Variants in SH3BGRL2 observed in about 807,000 individuals in gnomAD.
SH3BGRL2 encodes the protein SH3 domain-binding glutamic acid-rich-like protein 2.
In SH3BGRL2, 21 loss-of-function variants were observed where a neutral mutation model predicts 14.8. That is an observed-to-expected ratio of 1.42 (90% CI 1.01 to 2.05). The LOEUF (loss-of-function observed/expected upper bound fraction) is 2.05. Ranked by LOEUF, SH3BGRL2 falls within the 30% of genes most tolerant of loss-of-function variation. SH3BGRL2 has a pLI of 0.00. For missense variants in SH3BGRL2, 147 were observed against 130.8 expected, an observed-to-expected ratio of 1.12 and a Z score of -0.61; for synonymous variants, 50 against 47.8, an observed-to-expected ratio of 1.05 and a Z score of -0.19.
chr6:79,554,282 TTAAG>T, the SH3BGRL2 span, among the ~76,000 whole-genome samples: 1 of 152,130 alleles, frequency 6.6e-6, no homozygotes, highest in Non-Finnish European at 1.5e-5. Flanking sequence ...TTTAAAAAAA[TTAAG>T]TAGGAATTTC....
intron 2 of SH3BGRL2, among the ~76,000 whole-genome samples, chr6:79,682,387 A>C (rs749660610): frequency 7.2e-5 from 11 of 152,160 alleles, no homozygotes; most frequent in Non-Finnish European, 1.5e-4. Context: ...TCATGCTTCA[A>C]AACAGATCCC....
chr6:79,600,027 T>C, the SH3BGRL2 span, among the ~76,000 whole-genome samples: 1 of 152,194 alleles, frequency 6.6e-6, no homozygotes. Context: ...ATGGCCCTCC[T>C]GAGCAAATAA....
At chr6:79,616,242 G>T in the SH3BGRL2 span, among the ~76,000 whole-genome samples, 1 of 152,196 alleles carries the variant, frequency 6.6e-6, no homozygotes, top group Non-Finnish European at 1.5e-5. Context: ...CAGCAGAGTG[G>T]CACAGCATGC....
chr6:79,609,071 G>A, the SH3BGRL2 span, among the ~76,000 whole-genome samples: 1 of 152,184 alleles, frequency 6.6e-6, no homozygotes, highest in Non-Finnish European at 1.5e-5. Context: ...GGAGATTCAA[G>A]TTGATCATTT....
rs72907708 is a variant in SH3BGRL2, at chr6:79,702,779, G to A, written c.*3270G>A. On this transcript the variant is annotated 3_prime_UTR_variant, in exon 4 of 4. Transcript: ENST00000369838. ...GTTAAATCACTCAGCCCCTGGGTGG[G>A]GTGGGGTGGTTCAAATGGATGACTG... 0.021 allele frequency: 3,150 copies of A among 152,464 alleles called. 56 individuals are homozygous for A. Among genetic ancestry groups the A allele is most frequent in the Non-Finnish European group, 0.031 (2,126 of 68,150 alleles). 9.4% of individuals were successfully genotyped at this position (152,464 alleles called of 1,614,324 possible). A position where few individuals can be genotyped will look rare whatever the true frequency, so the allele number is the denominator to read the frequency against.
At chr6:79,593,767 G>A in the SH3BGRL2 span, among the ~76,000 whole-genome samples, 2 of 152,146 alleles carry the variant, frequency 1.3e-5, no homozygotes, top group Non-Finnish European at 2.9e-5. Flanking sequence ...AAGGTAACTG[G>A]CAGATATAAA....
At position 79,696,552 on chromosome 6, in the gene SH3BGRL2, G is replaced by T; in HGVS notation, c.299G>T (p.Arg100Leu). The change falls in exon 3 of 4, where the codon CGG becomes CTG. Residue 100 changes from arginine (R) to leucine (L), a missense_variant. By Grantham distance (102) the Arg-to-Leu change is moderately radical. Transcript: ENST00000369838. ...TVFSFLGLKP[R>L]LASKAEP ...TTTTCATTTTTAGGCCTGAAACCACGGTTGGCATCAAAGGTAGGTAAATCT... is the reference window on the plus strand; with the variant it reads ...TTTTCATTTTTAGGCCTGAAACCACTGTTGGCATCAAAGGTAGGTAAATCT... 1 of 1,564,330 alleles carries T rather than the reference G, an allele frequency of 6.4e-7. No homozygotes were observed. The highest frequency in any genetic ancestry group is 1.2e-5 in the South Asian group (1 of 81,366).
chr6:79,549,073 C>T, the SH3BGRL2 span, among the ~76,000 whole-genome samples: 1 of 152,104 alleles, frequency 6.6e-6, no homozygotes, highest in Non-Finnish European at 1.5e-5. Context: ...GTTTCTAATC[C>T]TCTGTTTCCC....
intron 1 of SH3BGRL2, among the ~76,000 whole-genome samples, chr6:79,642,432 G>A (rs1429735507): frequency 6.6e-6 from 1 of 151,986 alleles, no homozygotes; most frequent in Non-Finnish European, 1.5e-5. Flanking sequence ...TTAGAGCCCT[G>A]GCTTGATCTA....
At chr6:79,671,647 G>A (rs950186389) in intron 1 of SH3BGRL2, among the ~76,000 whole-genome samples, 3 of 152,164 alleles carry the variant, frequency 2.0e-5, no homozygotes, top group Admixed American at 2.0e-4. Context: ...TGGCTATTTG[G>A]ACTCTGGAAT....
the SH3BGRL2 span, among the ~76,000 whole-genome samples, chr6:79,585,044 C>T: frequency 7.4e-6 from 1 of 134,892 alleles, no homozygotes; most frequent in African/African-American, 2.7e-5. Flanking sequence ...CAAAACCCAC[C>T]TTTTTTTTTT....
chr6:79,690,783 G>A (rs1770197637), intron 2 of SH3BGRL2, among the ~76,000 whole-genome samples: 1 of 152,114 alleles, frequency 6.6e-6, no homozygotes, highest in South Asian at 2.1e-4. Flanking sequence ...TGGGCATGGT[G>A]GCTCACGCCT....
chr6:79,568,696 TA>T, the SH3BGRL2 span, among the ~76,000 whole-genome samples: 1 of 152,186 alleles, frequency 6.6e-6, no homozygotes, highest in Non-Finnish European at 1.5e-5. Flanking sequence ...AAAAATATGT[TA>T]AGAGTCTTCA....
chr6:79,602,043 C>T, the SH3BGRL2 span, among the ~76,000 whole-genome samples: 4 of 152,104 alleles, frequency 2.6e-5, no homozygotes, highest in Admixed American at 2.6e-4. Flanking sequence ...GAAACCATAC[C>T]AACACTTCGA....
intron 1 of SH3BGRL2, among the ~76,000 whole-genome samples, chr6:79,667,812 A>G (rs897792861): frequency 3.9e-5 from 6 of 152,118 alleles, no homozygotes; most frequent in Non-Finnish European, 8.8e-5. Flanking sequence ...AGAGATGCCA[A>G]GTAATATCTC....
the SH3BGRL2 span, among the ~76,000 whole-genome samples, chr6:79,594,625 C>A: frequency 1.3e-5 from 2 of 152,030 alleles, no homozygotes; most frequent in African/African-American, 4.8e-5. Context: ...TGGGAAAGGT[C>A]AAGACAGCTG....
chr6:79,648,227 G>A (rs1477097634), intron 1 of SH3BGRL2, among the ~76,000 whole-genome samples: 1 of 103,670 alleles, frequency 9.6e-6, no homozygotes, highest in Admixed American at 1.1e-4. Flanking sequence ...ACCTACCTTT[G>A]CAACATTTTC....
At position 79,699,593 on chromosome 6, in the gene SH3BGRL2, T is replaced by G; in HGVS notation, c.*84T>G. 6.9e-7 allele frequency: 1 copy of G among 1,440,022 alleles called. No homozygotes were observed. Among genetic ancestry groups the G allele is most frequent in the Non-Finnish European group, 9.2e-7 (1 of 1,089,472 alleles). The allele number at this position is 1,440,022 out of a possible 1,614,324, so 89.2% of individuals were successfully genotyped here. On this transcript the variant is annotated 3_prime_UTR_variant, in exon 4 of 4. Coordinates refer to ENST00000369838, the MANE Select transcript of SH3BGRL2 (RefSeq NM_031469.4). ...CACATGCTTACCTAATGCATCACTG[T>G]GACAAAAGCCACACGCATTATCAGT...
chr6:79,596,316 T>C, the SH3BGRL2 span, among the ~76,000 whole-genome samples: 1 of 152,026 alleles, frequency 6.6e-6, no homozygotes, highest in Non-Finnish European at 1.5e-5. Flanking sequence ...CGTGCCACTG[T>C]GCTGATTTGT....
Sources: allele counts gnomAD v4.1 joint callset (sites outside exome capture counted in the v4.1 genomes callset), GRCh38; gene constraint gnomAD v4.1.1; transcripts MANE v1.5; gene names NCBI Gene and HGNC (gene_info 2026-07-23, HGNC 2026-07-21).